SMIM19: variants seen among roughly 807,000 people sequenced by gnomAD.
SMIM19 encodes UPF0697 protein C8orf40.
In SMIM19, 6 loss-of-function variants were observed where a neutral mutation model predicts 13.2. That is an observed-to-expected ratio of 0.45 (90% CI 0.25 to 0.90). The LOEUF (loss-of-function observed/expected upper bound fraction) is 0.90. SMIM19 is among the 40% of genes least tolerant of loss of function. SMIM19 has a pLI of 0.19. For synonymous variants in SMIM19, 46 were observed against 43.1 expected (o/e 1.07, Z -0.27); for missense variants, 138 against 131.0 (o/e 1.05, Z -0.26).
intron 1 of SMIM19, among the ~76,000 whole-genome samples, chr8:42,544,927 C>T (rs1252106630): frequency 6.6e-6 from 1 of 152,190 alleles, no homozygotes; most frequent in Non-Finnish European, 1.5e-5. Context: ...TGGACTCCTG[C>T]AAGACATTTT....
At chr8:42,548,501 A>C (rs1813560643) in intron 2 of SMIM19, 155 bp from the exon 3 acceptor site, 2 of 887,114 alleles carry the variant, frequency 2.3e-6, no homozygotes. Flanking sequence ...GAATACTTTG[A>C]GCCAAGGAAG....
Position 42,554,779 on chromosome 8 carries a change from G to GA in SMIM19, c.*2176dup, listed in dbSNP as rs2131502678. On this transcript the variant is annotated 3_prime_UTR_variant, in exon 4 of 4. Coordinates refer to ENST00000417410, the MANE Select transcript of SMIM19 (RefSeq NM_001135674.2). Reference sequence around the variant, plus strand: ...CTCAACAGAACTGTTTTCTTTGGAAGAAAAATGGAACTACTAATAAGCTAG... The same window carrying GA: ...CTCAACAGAACTGTTTTCTTTGGAAGAAAAAATGGAACTACTAATAAGCTAG... 1 of 152,326 alleles carries GA rather than the reference G, an allele frequency of 6.6e-6. No homozygotes were observed. Among genetic ancestry groups the GA allele is most frequent in the South Asian group, 2.1e-4 (1 of 4,832 alleles). The allele number at this position is 152,326 out of a possible 1,614,324, so 9.4% of individuals were successfully genotyped here.
chr8:42,552,987 G>T lies in SMIM19; in HGVS notation c.*379G>T. 1 of 166,090 alleles carries T rather than the reference G, an allele frequency of 6.0e-6. No individual in the cohort carries two copies. Among genetic ancestry groups the T allele is most frequent in the Non-Finnish European group, 1.3e-5 (1 of 77,294 alleles). The allele number at this position is 166,090 out of a possible 1,614,324, so 10.3% of individuals were successfully genotyped here. A position where few individuals can be genotyped will look rare whatever the true frequency, so the allele number is the denominator to read the frequency against. On this transcript the variant is annotated 3_prime_UTR_variant, in exon 4 of 4. Transcript: ENST00000417410. Reference sequence around the variant, plus strand: ...GTTATTATTTCAATAATAACTTCCTGTTTCATTGTATTCTGTGAGTGATAA... The same window carrying T: ...GTTATTATTTCAATAATAACTTCCTTTTTCATTGTATTCTGTGAGTGATAA...
chr8:42,551,374 A>C (rs2131498753), intron 3 of SMIM19, among the ~76,000 whole-genome samples: 1 of 152,242 alleles, frequency 6.6e-6, no homozygotes, highest in Non-Finnish European at 1.5e-5. Flanking sequence ...TGGATGACAC[A>C]AAGATTTTTA....
intron 2 of SMIM19, among the ~76,000 whole-genome samples, chr8:42,546,928 G>GCCGAGATTGCACCAC (rs11269558): frequency 1.3e-5 from 2 of 151,080 alleles, no homozygotes; most frequent in Admixed American, 6.6e-5. Context: ...GGTTGCAGTG[G>GCCGAGATTGCACCAC]TGTACTCCAG....
intron 2 of SMIM19, among the ~76,000 whole-genome samples, chr8:42,547,775 C>T (rs947904424): frequency 1.3e-4 from 20 of 152,034 alleles, no homozygotes; most frequent in Non-Finnish European, 7.4e-5. Flanking sequence ...GATGTTGTAG[C>T]TTAATTTAAC....
chr8:42,551,149 T>C (rs549508294), intron 3 of SMIM19, among the ~76,000 whole-genome samples: 9 of 151,988 alleles, frequency 5.9e-5, no homozygotes, highest in Admixed American at 1.3e-4. Flanking sequence ...AAAACCTGTC[T>C]CTACTAAAAA....
At position 42,544,336 on chromosome 8, in the gene SMIM19, G is replaced by C. The variant is rs577090260; in HGVS notation, c.-5+1963G>C. Among the ~76,000 whole-genome samples the C allele has an allele frequency of 4.6e-5, 7 of 151,934 alleles. No homozygotes were observed. The South Asian group carries it at 1.5e-3, about 32-fold the overall frequency. On this transcript the variant is annotated intron_variant, in intron 1 of 3. Coordinates refer to ENST00000417410, the MANE Select transcript of SMIM19 (RefSeq NM_001135674.2). Reference sequence around the variant, plus strand: ...TGAGGCAGGGGAATGGTGTGAACCCGGGAGGCGGAGCTTGCAGTGAGCCGA... The same window carrying C: ...TGAGGCAGGGGAATGGTGTGAACCCCGGAGGCGGAGCTTGCAGTGAGCCGA...
chr8:42,549,867 C>T (rs1372867033), intron 3 of SMIM19, among the ~76,000 whole-genome samples: 1 of 151,932 alleles, frequency 6.6e-6, no homozygotes, highest in Non-Finnish European at 1.5e-5. Context: ...GAGTCTGAGA[C>T]AGGTGGATCA....
Position 42,548,689 on chromosome 8 carries a change from G to A in SMIM19, c.168G>A (p.Val56=). 1 of 1,613,862 alleles carries A rather than the reference G, an allele frequency of 6.2e-7. No homozygotes were observed. The highest frequency in any genetic ancestry group is 8.5e-7 in the Non-Finnish European group (1 of 1,179,902). The part of the protein sequence containing the change: ...NKRRIMRIFS[V]PPTEETLSEP... ...GGAGAATTATGAGGATATTCAGTGT[G>A]CCACCTACAGAGGAAACTTTGTCAG... The change falls in exon 3 of 4, where the codon GTG becomes GTA. Residue 56 remains valine (V), a synonymous_variant. Transcript: ENST00000417410.
intron 3 of SMIM19, among the ~76,000 whole-genome samples, chr8:42,552,127 C>T (rs1813696421): frequency 6.6e-6 from 1 of 152,010 alleles, no homozygotes; most frequent in African/African-American, 2.4e-5. Context: ...TAATTCTAGA[C>T]TAATTACTTA....
At chr8:42,546,174 A>G (rs1378064605) in intron 1 of SMIM19, among the ~76,000 whole-genome samples, 1 of 152,254 alleles carries the variant, frequency 6.6e-6, no homozygotes, top group Non-Finnish European at 1.5e-5. Context: ...AATACAATGT[A>G]AATGCTATGT....
chr8:42,542,748 C>T (rs1417288091), intron 1 of SMIM19, among the ~76,000 whole-genome samples: 3 of 151,654 alleles, frequency 2.0e-5, no homozygotes, highest in Admixed American at 2.0e-4. Flanking sequence ...ATTGCCTGAG[C>T]TCAGGAGTTT....
In SMIM19 at chr8:42,552,818, A is replaced by G; in HGVS notation, c.*210A>G. 1 of 522,040 alleles carries G rather than the reference A, an allele frequency of 1.9e-6. No individual in the cohort carries two copies. The allele number at this position is 522,040 out of a possible 1,614,324, so 32.3% of individuals were successfully genotyped here. A position where few individuals can be genotyped will look rare whatever the true frequency, so the allele number is the denominator to read the frequency against. On this transcript the variant is annotated 3_prime_UTR_variant, in exon 4 of 4. Coordinates refer to ENST00000417410, the MANE Select transcript of SMIM19 (RefSeq NM_001135674.2). Reference sequence around the variant, plus strand: ...CACAGGGAACCTGCACATATCCAGGATATGTGTAACCAGCGATGGTGACTT... The same window carrying G: ...CACAGGGAACCTGCACATATCCAGGGTATGTGTAACCAGCGATGGTGACTT...
intron 3 of SMIM19, among the ~76,000 whole-genome samples, chr8:42,550,623 C>G (rs1227910077): frequency 1.3e-5 from 2 of 152,164 alleles, no homozygotes; most frequent in African/African-American, 4.8e-5. Flanking sequence ...GAAAAAAGCT[C>G]TGTAATTTTA....
At chr8:42,549,520 C>T (rs1216800359) in intron 3 of SMIM19, among the ~76,000 whole-genome samples, 1 of 152,028 alleles carries the variant, frequency 6.6e-6, no homozygotes, top group Non-Finnish European at 1.5e-5. Flanking sequence ...TGGATTATTT[C>T]ACTTACGTGA....
In SMIM19 at chr8:42,541,826, C is replaced by T. The variant is rs578187468; in HGVS notation, c.-552C>T. 2.6e-5 allele frequency: 4 copies of T among 151,706 alleles called. No homozygotes were observed. The highest frequency in any genetic ancestry group is 6.6e-5 in the Admixed American group (1 of 15,256). 9.4% of individuals were successfully genotyped at this position (151,706 alleles called of 1,614,324 possible). A position where few individuals can be genotyped will look rare whatever the true frequency, so the allele number is the denominator to read the frequency against. ...TAAGGGGGGTGGCCGCCCGCCTGCC[C>T]TCGGTCCCGTGCGGTCCCCGAAACT... On this transcript the variant is annotated 5_prime_UTR_variant, in exon 1 of 4. Transcript: ENST00000417410.
rs538403050 is a variant in SMIM19 at position 42,541,662 on chromosome 8, G to A, written c.-716G>A. ...CCCGACTCCGGGGTAAAGAGCCCCGGAGCGGAGCAGCGCTGGCCGCGTGCC... is the reference window on the plus strand; with the variant it reads ...CCCGACTCCGGGGTAAAGAGCCCCGAAGCGGAGCAGCGCTGGCCGCGTGCC... On this transcript the variant is annotated 5_prime_UTR_variant, in exon 1 of 4. Coordinates refer to ENST00000417410, the MANE Select transcript of SMIM19 (RefSeq NM_001135674.2). 2.0e-5 allele frequency: 3 copies of A among 150,004 alleles called. No individual in the cohort carries two copies. In the East Asian group the frequency reaches 5.9e-4, roughly 29 times the overall value. 9.3% of individuals were successfully genotyped at this position (150,004 alleles called of 1,614,324 possible).
rs956826050 is a variant in SMIM19 at position 42,542,025 on chromosome 8, C to A, written c.-353C>A. ...CGCAGCCTGCGGGCGGCGGAAACGTCCCTAGAGCCTCGCCGCCCTGGGACC... is the reference window on the plus strand; with the variant it reads ...CGCAGCCTGCGGGCGGCGGAAACGTACCTAGAGCCTCGCCGCCCTGGGACC... On this transcript the variant is annotated 5_prime_UTR_variant, in exon 1 of 4. Coordinates refer to ENST00000417410, the MANE Select transcript of SMIM19 (RefSeq NM_001135674.2). The A allele has an allele frequency of 6.6e-6, 1 of 152,208 alleles. No homozygotes were observed. The highest frequency in any genetic ancestry group is 2.4e-5 in the African/African-American group (1 of 41,450). 9.4% of individuals were successfully genotyped at this position (152,208 alleles called of 1,614,324 possible). A position where few individuals can be genotyped will look rare whatever the true frequency, so the allele number is the denominator to read the frequency against.
Sources: allele counts gnomAD v4.1 joint callset (sites outside exome capture counted in the v4.1 genomes callset), GRCh38; gene constraint gnomAD v4.1.1; transcripts MANE v1.5; gene names NCBI Gene and HGNC (gene_info 2026-07-23, HGNC 2026-07-21).